The following ATP6V0A4 variants were observed in gnomAD, a reference collection of about 807,000 sequenced individuals.
ATP6V0A4 encodes the protein ATPase H+ transporting V0 subunit a4.
In ATP6V0A4, 86 loss-of-function variants were observed where a neutral mutation model predicts 107.3. That is an observed-to-expected ratio of 0.80 (90% CI 0.67 to 0.96). The LOEUF (loss-of-function observed/expected upper bound fraction) is 0.96, where lower values mean the gene tolerates loss of function less well. ATP6V0A4 is among the 40% of genes least tolerant of loss of function. ATP6V0A4 has a pLI of 0.00. For synonymous variants in ATP6V0A4, 353 were observed against 381.4 expected, an observed-to-expected ratio of 0.93 and a Z score of 0.87; for missense variants, 908 against 1,045.6, an observed-to-expected ratio of 0.87 and a Z score of 1.81.
intron 17 of ATP6V0A4, among the ~76,000 whole-genome samples, chr7:138,731,855 T>C (rs1258871003): frequency 6.6e-6 from 1 of 151,630 alleles, no homozygotes; most frequent in Non-Finnish European, 1.5e-5. Context: ...ATCGTGCCAC[T>C]GCACTCCAGC....
intron 14 of ATP6V0A4, among the ~76,000 whole-genome samples, chr7:138,740,164 G>A (rs74843906): frequency 0.049 from 7,371 of 151,324 alleles, 598 homozygotes; most frequent in African/African-American, 0.17. Context: ...AAGGAAGGGA[G>A]ATCAGGATTT....
At chr7:138,742,742 A>T (rs1014855759) in intron 14 of ATP6V0A4, among the ~76,000 whole-genome samples, 3 of 148,874 alleles carry the variant, frequency 2.0e-5, no homozygotes, top group African/African-American at 7.4e-5. Flanking sequence ...TATATTGCCC[A>T]GGCTGGTCTT....
At chr7:138,781,848 T>C (rs1807940736) in intron 2 of ATP6V0A4, among the ~76,000 whole-genome samples, 1 of 151,156 alleles carries the variant, frequency 6.6e-6, no homozygotes. Flanking sequence ...TCTCTCTTTT[T>C]TTTTTTTTTT....
At chr7:138,748,047 T>C (rs10274136) in intron 12 of ATP6V0A4, among the ~76,000 whole-genome samples, 36,202 of 151,936 alleles carry the variant, frequency 0.24, 4,482 homozygotes, top group African/African-American at 0.29. Context: ...TGAGCCACTG[T>C]GCCCAGCCTA....
At chr7:138,794,300 G>A (rs549762408) in intron 1 of ATP6V0A4, among the ~76,000 whole-genome samples, 3 of 152,178 alleles carry the variant, frequency 2.0e-5, no homozygotes, top group Non-Finnish European at 4.4e-5. Context: ...GGGTTAACTG[G>A]AGATGAAAAA....
chr7:138,735,981 T>G (rs914283649), intron 15 of ATP6V0A4, among the ~76,000 whole-genome samples: 1 of 151,942 alleles, frequency 6.6e-6, no homozygotes, highest in Non-Finnish European at 1.5e-5. Flanking sequence ...GGCAGAAGAA[T>G]CACTTGAACC....
intron 15 of ATP6V0A4, among the ~76,000 whole-genome samples, chr7:138,737,582 T>TTC (rs1264641805): frequency 1.6e-5 from 2 of 121,746 alleles, no homozygotes; most frequent in Non-Finnish European, 1.5e-5. Flanking sequence ...TCTTTTTCTT[T>TTC]TTTTTTTTTT....
chr7:138,739,425 T>C, intron 15 of ATP6V0A4, 115 bp downstream of exon 15: 1 of 1,318,070 alleles, frequency 7.6e-7, no homozygotes, highest in South Asian at 1.3e-5. Context: ...GAAGTTATTT[T>C]ATCTCAACAC....
intron 8 of ATP6V0A4, among the ~76,000 whole-genome samples, chr7:138,759,533 AG>A (rs1806684353): frequency 6.6e-6 from 1 of 152,146 alleles, no homozygotes; most frequent in Non-Finnish European, 1.5e-5. Flanking sequence ...AGAATAAACC[AG>A]TTATGAGGTG....
At chr7:138,712,242 G>A (rs1232308628) in intron 20 of ATP6V0A4, among the ~76,000 whole-genome samples, 1 of 151,750 alleles carries the variant, frequency 6.6e-6, no homozygotes, top group Non-Finnish European at 1.5e-5. Flanking sequence ...GCCCCACTTT[G>A]TTCCTTAAAG....
intron 19 of ATP6V0A4, among the ~76,000 whole-genome samples, chr7:138,719,882 A>C (rs1804345556): frequency 2.6e-5 from 4 of 152,044 alleles, no homozygotes; most frequent in Admixed American, 2.6e-4. Flanking sequence ...AAAATTAGCC[A>C]GGCATGGTGG....
intron 2 of ATP6V0A4, chr7:138,779,900 T>G (rs1266912543): frequency 2.0e-5 from 3 of 152,232 alleles, no homozygotes; most frequent in Non-Finnish European, 4.4e-5. Flanking sequence ...AGATACTGAT[T>G]GACAATGATA....
chr7:138,786,581 GAA>G (rs35642413), intron 1 of ATP6V0A4, among the ~76,000 whole-genome samples: 2 of 146,150 alleles, frequency 1.4e-5, no homozygotes, highest in African/African-American at 2.5e-5. Flanking sequence ...CTTGTCTCAG[GAA>G]AAAAAAAAAA....
intron 10 of ATP6V0A4, among the ~76,000 whole-genome samples, chr7:138,754,042 C>T (rs979848292): frequency 1.3e-5 from 2 of 152,040 alleles, no homozygotes; most frequent in African/African-American, 4.8e-5. Flanking sequence ...TTTCCATTCT[C>T]CTCATGACGT....
chr7:138,792,074 C>T (rs559713750), intron 1 of ATP6V0A4, among the ~76,000 whole-genome samples: 13 of 152,010 alleles, frequency 8.6e-5, no homozygotes, highest in African/African-American at 2.2e-4. Context: ...TTTGGGAGGC[C>T]GAGGTGGGCA....
chr7:138,797,250 T>C (rs1234030306), intron 1 of ATP6V0A4, among the ~76,000 whole-genome samples: 1 of 146,760 alleles, frequency 6.8e-6, no homozygotes, highest in Non-Finnish European at 1.5e-5. Context: ...AGTCTCCCTC[T>C]GTCGGCCAAG....
chr7:138,767,243 C>T (rs1807136446), intron 5 of ATP6V0A4, among the ~76,000 whole-genome samples: 1 of 152,182 alleles, frequency 6.6e-6, no homozygotes, highest in Non-Finnish European at 1.5e-5. Flanking sequence ...AATAAACAGG[C>T]CAGGCGAGGT....
chr7:138,770,701 A>G (rs780031166), intron 3 of ATP6V0A4, among the ~76,000 whole-genome samples: 1 of 152,174 alleles, frequency 6.6e-6, no homozygotes, highest in Non-Finnish European at 1.5e-5. Context: ...CTGGAACTCA[A>G]TCCCGGGTAT....
intron 20 of ATP6V0A4, among the ~76,000 whole-genome samples, chr7:138,711,811 CAG>C (rs1243014868): frequency 6.6e-6 from 1 of 152,252 alleles, no homozygotes; most frequent in Non-Finnish European, 1.5e-5. Flanking sequence ...CACGAATACT[CAG>C]ATGCACACAC....
Sources: allele counts gnomAD v4.1 joint callset (sites outside exome capture counted in the v4.1 genomes callset), GRCh38; gene constraint gnomAD v4.1.1; transcripts MANE v1.5; gene names NCBI Gene and HGNC (gene_info 2026-07-23, HGNC 2026-07-21).